The following ULK4 variants were observed in gnomAD, a reference collection of about 807,000 sequenced individuals.
The protein encoded by ULK4 is unc-51 like kinase 4, also known as inactive serine/threonine-protein kinase ULK4.
In ULK4, 133 loss-of-function variants were observed where a neutral mutation model predicts 160.6. The observed-to-expected ratio is 0.83, with a 90% CI of 0.72 to 0.96. The LOEUF is 0.96. ULK4 is among the 40% of genes least tolerant of loss of function. The pLI is 0.00. For missense variants in ULK4, 1,580 were observed against 1,499.5 expected (o/e 1.05, Z -0.89); for synonymous variants, 534 against 539.8 (o/e 0.99, Z 0.15).
rs551703544 is a variant in ULK4 at position 41,592,362 on chromosome 3, C to T, written c.3120+23307G>A. 2.6e-5 allele frequency among the ~76,000 whole-genome samples: 4 copies of T among 152,244 alleles called. No homozygotes were observed. In the East Asian group the frequency reaches 5.8e-4, roughly 22 times the overall value. On this transcript the variant is annotated intron_variant, in intron 31 of 36. Transcript: ENST00000301831. The stretch of plus-strand genomic sequence containing the variant: ...TGGGTAAACCATTTCTGCCTTGCCT[C>T]ACAGGGGTCCTCGGGCGGGCTGCCT...
At chr3:41,806,320 C>T (rs375053190) in intron 19 of ULK4, among the ~76,000 whole-genome samples, 129 of 151,984 alleles carry the variant, frequency 8.5e-4, no homozygotes, top group African/African-American at 1.9e-3. Context: ...TCTGTGGGAT[C>T]GGTGGTGATA....
At chr3:41,396,482 A>G (rs141166315) in intron 35 of ULK4, among the ~76,000 whole-genome samples, 54 of 152,230 alleles carry the variant, frequency 3.5e-4, no homozygotes, top group African/African-American at 1.3e-3. Flanking sequence ...CACTTGTATT[A>G]TTATAGTCTC....
At chr3:41,694,430 T>C (rs1179903683) in intron 27 of ULK4, among the ~76,000 whole-genome samples, 1 of 151,946 alleles carries the variant, frequency 6.6e-6, no homozygotes, top group Non-Finnish European at 1.5e-5. Context: ...CTCTGTTGGA[T>C]GGGTAGAGGG....
intron 18 of ULK4, among the ~76,000 whole-genome samples, chr3:41,831,292 CT>C (rs1297616088): frequency 6.6e-6 from 1 of 151,846 alleles, no homozygotes; most frequent in Non-Finnish European, 1.5e-5. Context: ...TCCAAAAGTA[CT>C]GGGATGGAAA....
chr3:41,528,938 G>C (rs2086210580), intron 32 of ULK4, among the ~76,000 whole-genome samples: 1 of 152,156 alleles, frequency 6.6e-6, no homozygotes, highest in Non-Finnish European at 1.5e-5. Flanking sequence ...ACACATGTCT[G>C]CCTATGTAGC....
intron 22 of ULK4, among the ~76,000 whole-genome samples, chr3:41,741,077 T>C (rs2038225195): frequency 6.6e-6 from 1 of 151,954 alleles, no homozygotes; most frequent in Non-Finnish European, 1.5e-5. Context: ...AGGATCCCCT[T>C]AATCCCTTCT....
chr3:41,690,365 A>G (rs189103146), intron 27 of ULK4, among the ~76,000 whole-genome samples: 3,605 of 151,540 alleles, frequency 0.024, 133 homozygotes, highest in African/African-American at 0.076. Context: ...TGGGTGCAGC[A>G]CACCAGCATG....
intron 32 of ULK4, among the ~76,000 whole-genome samples, chr3:41,515,771 A>G (rs2085729646): frequency 1.3e-5 from 2 of 152,152 alleles, no homozygotes; most frequent in South Asian, 4.1e-4. Context: ...CCCACCCTTG[A>G]TATGTGGGGA....
chr3:41,451,771 G>C (rs2125867547), intron 34 of ULK4, among the ~76,000 whole-genome samples: 1 of 152,256 alleles, frequency 6.6e-6, no homozygotes, highest in South Asian at 2.1e-4. Context: ...ATATAAGGTT[G>C]AACCAAATGA....
At chr3:41,741,725 G>A (rs2038244789) in intron 22 of ULK4, among the ~76,000 whole-genome samples, 1 of 151,926 alleles carries the variant, frequency 6.6e-6, no homozygotes. Flanking sequence ...ACTGTGAAAA[G>A]TAGCTCTGCT....
chr3:41,661,404 C>T (rs751068511), intron 30 of ULK4, among the ~76,000 whole-genome samples: 7 of 151,704 alleles, frequency 4.6e-5, no homozygotes, highest in Admixed American at 1.3e-4. Context: ...TGTGTGCGTG[C>T]CCACATGTAC....
chr3:41,402,832 A>G (rs1385057027), intron 34 of ULK4, among the ~76,000 whole-genome samples: 1 of 152,162 alleles, frequency 6.6e-6, no homozygotes, highest in African/African-American at 2.4e-5. Context: ...TTAGTTTAGT[A>G]TCAGGGTAAT....
intron 18 of ULK4, among the ~76,000 whole-genome samples, chr3:41,834,574 T>TGCTGTACCAGCAAATTA (rs2041698302): frequency 6.6e-6 from 1 of 152,236 alleles, no homozygotes; most frequent in Non-Finnish European, 1.5e-5. Context: ...AGGACGGATT[T>TGCTGTACCAGCAAATTA]GCTGTACCAG....
At chr3:41,706,386 T>TAAATTA (rs2036884929) in intron 25 of ULK4, among the ~76,000 whole-genome samples, 2 of 145,610 alleles carry the variant, frequency 1.4e-5, no homozygotes, top group Non-Finnish European at 3.0e-5. Flanking sequence ...ATATATATAT[T>TAAATTA]TATATATATT....
At chr3:41,588,545 C>T (rs1173196208) in intron 31 of ULK4, among the ~76,000 whole-genome samples, 2 of 152,170 alleles carry the variant, frequency 1.3e-5, no homozygotes, top group African/African-American at 4.8e-5. Flanking sequence ...AGGCCCAGGT[C>T]TCCTGTCTGC....
At chr3:41,937,171 G>A (rs959117939) in intron 3 of ULK4, 1 of 460,534 alleles carries the variant, frequency 2.2e-6, no homozygotes, top group Non-Finnish European at 3.9e-6. Context: ...GTTTTATTTT[G>A]TTTTGGTGGG....
chr3:41,545,836 G>C (rs147661367), intron 32 of ULK4, among the ~76,000 whole-genome samples: 1 of 151,952 alleles, frequency 6.6e-6, no homozygotes, highest in East Asian at 1.9e-4. Flanking sequence ...CTCTCACATG[G>C]GAAAATTTCT....
intron 19 of ULK4, among the ~76,000 whole-genome samples, chr3:41,809,881 G>A (rs1386148994): frequency 1.3e-5 from 2 of 152,104 alleles, no homozygotes; most frequent in Non-Finnish European, 2.9e-5. Flanking sequence ...CTATAAATGT[G>A]AGGAACATTA....
At chr3:41,902,345 C>T (rs1698401631) in intron 12 of ULK4, among the ~76,000 whole-genome samples, 1 of 151,908 alleles carries the variant, frequency 6.6e-6, no homozygotes, top group Non-Finnish European at 1.5e-5. Flanking sequence ...TTTGGTAGGC[C>T]GAGGTGGGCA....
Sources: gnomAD v4.1 joint callset for allele counts (sites outside exome capture counted in the v4.1 genomes callset) on GRCh38, gnomAD v4.1.1 for gene constraint, MANE v1.5 for transcripts, NCBI Gene and HGNC (gene_info 2026-07-23, HGNC 2026-07-21) for gene names.